The following SHOC2 variants were observed in gnomAD, a reference collection of about 807,000 sequenced individuals.
The protein encoded by SHOC2 is leucine-rich repeat protein SHOC-2.
Under a neutral mutation model 50.2 loss-of-function variants are expected in SHOC2, and 4 were observed. The ratio of observed to expected loss-of-function variants is 0.08; its 90% CI spans 0.04 to 0.18. The LOEUF is 0.18. SHOC2 is among the 10% of genes least tolerant of loss of function. The pLI is 1.00. For missense variants in SHOC2, 388 were observed against 669.6 expected (o/e 0.58, Z 4.64); for synonymous variants, 218 against 244.5 (o/e 0.89, Z 1.01).
chr10:110,942,741 C>T (rs959204334), intron 1 of SHOC2, among the ~76,000 whole-genome samples: 2 of 152,172 alleles, frequency 1.3e-5, no homozygotes, highest in Admixed American at 1.3e-4. Context: ...CACTTTATTT[C>T]TAATAGGGCA....
chr10:110,967,114 T>G (rs1847690845), intron 2 of SHOC2, among the ~76,000 whole-genome samples: 1 of 152,284 alleles, frequency 6.6e-6, no homozygotes, highest in African/African-American at 2.4e-5. Flanking sequence ...ATACTATACA[T>G]TGTTCTGTCC....
At chr10:111,008,145 A>G (rs1848503942) in intron 6 of SHOC2, among the ~76,000 whole-genome samples, 1 of 144,808 alleles carries the variant, frequency 6.9e-6, no homozygotes, top group Non-Finnish European at 1.5e-5. Flanking sequence ...TTCTGTATCT[A>G]GAATGCCCTC....
chr10:110,986,403 T>C (rs1848076957), intron 3 of SHOC2, among the ~76,000 whole-genome samples: 1 of 152,228 alleles, frequency 6.6e-6, no homozygotes, highest in South Asian at 2.1e-4. Context: ...TACTATAATG[T>C]TTATTTAGAA....
At chr10:110,919,555 G>A, upstream of SHOC2, 1 of 386,010 alleles carries the variant, frequency 2.6e-6, no homozygotes. Context: ...GTGGGGGAGG[G>A]GCGGGCGGGG....
chr10:110,994,602 A>G (rs577809895), intron 3 of SHOC2, among the ~76,000 whole-genome samples: 2 of 152,204 alleles, frequency 1.3e-5, no homozygotes, highest in Non-Finnish European at 2.9e-5. Context: ...CTCAGCATAA[A>G]AATATTTCTA....
intron 2 of SHOC2, among the ~76,000 whole-genome samples, chr10:110,977,567 T>C (rs1205449329): frequency 6.6e-6 from 1 of 152,202 alleles, no homozygotes; most frequent in Non-Finnish European, 1.5e-5. Flanking sequence ...AATTTTTAAT[T>C]GGATGTGAGC....
intron 1 of SHOC2, among the ~76,000 whole-genome samples, chr10:110,944,902 C>T (rs1334840648): frequency 1.3e-5 from 2 of 152,184 alleles, no homozygotes; most frequent in South Asian, 2.1e-4. Flanking sequence ...ATGCCTTCAA[C>T]ACTCAGCTGG....
chr10:110,964,942 C>T lies in SHOC2; in HGVS notation c.584C>T (p.Thr195Ile). Reference sequence around the variant, plus strand: ...GTGGTGTATAGGCTGGATTCTCTCACCACTCTTTACCTTCGCTTTAATCGT... The same window carrying T: ...GTGGTGTATAGGCTGGATTCTCTCATCACTCTTTACCTTCGCTTTAATCGT... ...PSVVYRLDSLTTLYLRFNRIT... is the reference protein window; with the variant it reads ...PSVVYRLDSLITLYLRFNRIT... Residue 195 changes from threonine to isoleucine, a missense_variant, in exon 2 of 9, where the codon ACC becomes ATC. Coordinates refer to ENST00000369452, the MANE Select transcript of SHOC2 (RefSeq NM_007373.4). The surrounding 1 kb of genome is among the most constrained non-coding windows in gnomAD (Gnocchi z 4.9). 1 of 1,613,716 alleles carries T rather than the reference C, an allele frequency of 6.2e-7. No homozygotes were observed.
intron 1 of SHOC2, among the ~76,000 whole-genome samples, chr10:110,956,353 CAGGTGCGCG>C (rs1847462715): frequency 6.6e-6 from 1 of 152,156 alleles, no homozygotes; most frequent in Non-Finnish European, 1.5e-5. Flanking sequence ...GCTGGGATTA[CAGGTGCGCG>C]CCAGCACACC....
intron 1 of SHOC2, among the ~76,000 whole-genome samples, chr10:110,961,456 T>C (rs566766098): frequency 6.6e-6 from 1 of 152,326 alleles, no homozygotes; most frequent in South Asian, 2.1e-4. Context: ...TGGCCAAAAA[T>C]ATTTTTACTG....
intron 2 of SHOC2, among the ~76,000 whole-genome samples, chr10:110,977,125 T>C (rs942260328): frequency 1.1e-4 from 17 of 152,212 alleles, no homozygotes; most frequent in Non-Finnish European, 7.3e-5. Flanking sequence ...CTTGAACATA[T>C]GGAGCTCATT....
rs557010262 is a variant in SHOC2 at position 110,946,531 on chromosome 10, G to C, written c.-234-17594G>C. Among the ~76,000 whole-genome samples the C allele has an allele frequency of 3.3e-5, 5 of 151,770 alleles. No homozygotes were observed. The South Asian group carries it at 1.0e-3, about 32-fold the overall frequency. On this transcript the variant is annotated intron_variant, in intron 1 of 8. Coordinates refer to ENST00000369452, the MANE Select transcript of SHOC2 (RefSeq NM_007373.4). ...ATGTTGTGAAGAAAAATAAAGCAGG[G>C]TAAAAAGAATAGGAAGACATTTCTC... is the stretch of plus-strand genomic sequence containing the variant.
intron 5 of SHOC2, among the ~76,000 whole-genome samples, chr10:111,007,021 T>G (rs914395447): frequency 6.6e-6 from 1 of 152,208 alleles, no homozygotes; most frequent in Non-Finnish European, 1.5e-5. Context: ...AATACCTGAT[T>G]AGTGTTTTAA....
At chr10:110,936,085 T>G (rs188737537) in intron 1 of SHOC2, among the ~76,000 whole-genome samples, 11 of 151,520 alleles carry the variant, frequency 7.3e-5, no homozygotes, top group Admixed American at 5.3e-4. Flanking sequence ...CTCTAGATAT[T>G]GCTTCACTGA....
chr10:110,962,555 C>T (rs1847592128), intron 1 of SHOC2, among the ~76,000 whole-genome samples: 1 of 152,090 alleles, frequency 6.6e-6, no homozygotes, highest in Middle Eastern at 3.4e-3. Flanking sequence ...ATTGTAGAAT[C>T]TTATATACCA....
rs568695891 is a variant in SHOC2, at chr10:111,013,500, G to A, written c.*1682G>A. On this transcript the variant is annotated 3_prime_UTR_variant, in exon 9 of 9. Transcript: ENST00000369452. Reference sequence around the variant, plus strand: ...GGATCAACTAAGAAATGGAAGGCAGGTGAAGATATAAAACCCTAGAATGCT... The same window carrying A: ...GGATCAACTAAGAAATGGAAGGCAGATGAAGATATAAAACCCTAGAATGCT... 2 of 151,962 alleles carry A rather than the reference G, an allele frequency of 1.3e-5. No individual in the cohort carries two copies. The highest frequency in any genetic ancestry group is 2.4e-5 in the African/African-American group (1 of 41,378). 9.4% of individuals were successfully genotyped at this position (151,962 alleles called of 1,614,324 possible).
In SHOC2 at chr10:110,964,030, A is replaced by G. The variant is rs964556487; in HGVS notation, c.-234-95A>G. The G allele has an allele frequency of 2.4e-6, 1 of 422,168 alleles. No individual in the cohort carries two copies. Among genetic ancestry groups the G allele is most frequent in the Non-Finnish European group, 4.1e-6 (1 of 241,644 alleles). The allele number at this position is 422,168 out of a possible 1,614,324, so 26.2% of individuals were successfully genotyped here. A position where few individuals can be genotyped will look rare whatever the true frequency, so the allele number is the denominator to read the frequency against. On this transcript the variant is annotated intron_variant, in intron 1 of 8. Transcript: ENST00000369452. This position sits in a 1 kb window ranked among gnomAD's most constrained non-coding sequence, Gnocchi z 4.9. Reference sequence around the variant, plus strand: ...TTCATAAATATTTGAGAATGAAATCATAGGAAAATGGCAAACTCTAATAAG... The same window carrying G: ...TTCATAAATATTTGAGAATGAAATCGTAGGAAAATGGCAAACTCTAATAAG...
chr10:110,981,144 T>G (rs1184987548), intron 2 of SHOC2, among the ~76,000 whole-genome samples: 1 of 152,200 alleles, frequency 6.6e-6, no homozygotes, highest in Non-Finnish European at 1.5e-5. Flanking sequence ...AATGGCTCTT[T>G]AATGGTGAAA....
chr10:110,920,243 G>C (rs1434406327), intron 1 of SHOC2: 1 of 152,852 alleles, frequency 6.5e-6, no homozygotes, highest in Non-Finnish European at 1.5e-5. Context: ...ATCGGCTCTG[G>C]GTGTGTTGCC....
Sources: allele counts gnomAD v4.1 joint callset (sites outside exome capture counted in the v4.1 genomes callset), GRCh38; gene constraint gnomAD v4.1.1; non-coding constraint Gnocchi (gnomAD v3.1); transcripts MANE v1.5; gene names NCBI Gene and HGNC (gene_info 2026-07-23, HGNC 2026-07-21).